Variants in FHL2 observed in about 807,000 individuals in gnomAD.
FHL2 encodes four and a half LIM domains 2.
In FHL2, 20 loss-of-function variants were observed where a neutral mutation model predicts 32.7. That is an observed-to-expected ratio of 0.61 (90% CI 0.43 to 0.89). FHL2 has a LOEUF of 0.89. Ranked by LOEUF, FHL2 falls within the 40% of genes least tolerant of loss-of-function variation. FHL2 has a pLI of 0.00. For missense variants in FHL2, 311 were observed against 358.6 expected (o/e 0.87, Z 1.07); for synonymous variants, 123 against 128.1 (o/e 0.96, Z 0.27).
intron 6 of FHL2, among the ~76,000 whole-genome samples, chr2:105,362,105 T>G (rs1029411933): frequency 6.6e-6 from 1 of 152,240 alleles, no homozygotes; most frequent in Non-Finnish European, 1.5e-5. Context: ...TTTATATAGA[T>G]TGTATCACTT....
Position 105,377,729 on chromosome 2 carries a change from C to T in FHL2, c.157-3996G>A, listed in dbSNP as rs553911969. The T allele has an allele frequency of 1.3e-3, 337 of 254,464 alleles. 3 individuals are homozygous for T. Among genetic ancestry groups the T allele is most frequent in the African/African-American group, 7.0e-3 (311 of 44,582 alleles). 15.8% of individuals were successfully genotyped at this position (254,464 alleles called of 1,614,324 possible). Reference sequence around the variant, plus strand: ...GTCCCCCTGTGCAGGCGAGCCACCTCATAGAGGACTGCTCGTTTGGGGAAA... The same window carrying T: ...GTCCCCCTGTGCAGGCGAGCCACCTTATAGAGGACTGCTCGTTTGGGGAAA... On this transcript the variant is annotated intron_variant, in intron 3 of 6. Coordinates refer to ENST00000530340, the MANE Select transcript of FHL2 (RefSeq NM_001318895.3).
chr2:105,379,295 TA>T (rs1443418222), intron 3 of FHL2, among the ~76,000 whole-genome samples: 1 of 152,176 alleles, frequency 6.6e-6, no homozygotes, highest in Non-Finnish European at 1.5e-5. Flanking sequence ...TATAAGTCAT[TA>T]TTTAGACCAC....
rs1680252097 is a variant in FHL2 at position 105,361,416 on chromosome 2, T to C, written c.707A>G (p.Tyr236Cys). The C allele has an allele frequency of 5.0e-6, 8 of 1,614,058 alleles. No homozygotes were observed. The East Asian group carries it at 1.8e-4, about 36-fold the overall frequency. Residue 236 changes from tyrosine to cysteine, a missense_variant, in exon 7 of 7, where the codon TAC becomes TGC. Transcript: ENST00000530340. ...CCACTGCCGTTCCTCAAAGGAGATG[T>C]ATTTTGTGCCACCAAGTCCTGTTAA... ...NPISGLGGTK[Y>C]ISFEERQWHN...
At chr2:105,391,520 G>A (rs1682733536) in intron 2 of FHL2, among the ~76,000 whole-genome samples, 1 of 152,156 alleles carries the variant, frequency 6.6e-6, no homozygotes, top group Non-Finnish European at 1.5e-5. Flanking sequence ...AGCCCAGGAA[G>A]ATGGAAGACC....
intron 3 of FHL2, chr2:105,375,119 T>A (rs569185784): frequency 4.1e-4 from 62 of 149,610 alleles, no homozygotes; most frequent in African/African-American, 1.5e-3. Context: ...CAAACAGTTC[T>A]CTTTTGCTGA....
At chr2:105,391,867 C>T (rs575681273) in intron 2 of FHL2, among the ~76,000 whole-genome samples, 29 of 152,356 alleles carry the variant, frequency 1.9e-4, no homozygotes, top group Non-Finnish European at 2.8e-4. Context: ...ATGCTGAAAG[C>T]ATCAGGCAAC....
At chr2:105,426,024 C>A (rs1684255976) in intron 1 of FHL2, among the ~76,000 whole-genome samples, 1 of 152,128 alleles carries the variant, frequency 6.6e-6, no homozygotes, top group African/African-American at 2.4e-5. Flanking sequence ...ACTAGAAATA[C>A]CCACAGGTGT....
intron 1 of FHL2, among the ~76,000 whole-genome samples, chr2:105,407,990 C>G (rs1444811719): frequency 2.6e-5 from 4 of 152,316 alleles, no homozygotes; most frequent in Non-Finnish European, 5.9e-5. Context: ...AAATTTCTGT[C>G]TGCATAAATG....
chr2:105,438,263 C>A (rs1050809378), intron 1 of FHL2: 1 of 691,180 alleles, frequency 1.4e-6, no homozygotes, highest in Admixed American at 6.3e-5. Context: ...CAGCGAGCTC[C>A]CAGTGCCTGA....
intron 1 of FHL2, among the ~76,000 whole-genome samples, chr2:105,424,405 A>T (rs995588321): frequency 6.6e-6 from 1 of 152,260 alleles, no homozygotes; most frequent in African/African-American, 2.4e-5. Context: ...GTGGAGAAAT[A>T]GGAGCACTTT....
chr2:105,405,111 T>G (rs1193448135), intron 1 of FHL2, among the ~76,000 whole-genome samples: 1 of 152,238 alleles, frequency 6.6e-6, no homozygotes, highest in African/African-American at 2.4e-5. Context: ...AAAGTATTTG[T>G]AAGGTAGACT....
chr2:105,386,756 C>CTTTTTTT (rs11380471), intron 2 of FHL2, among the ~76,000 whole-genome samples: 7 of 48,956 alleles, frequency 1.4e-4, no homozygotes, highest in Non-Finnish European at 1.8e-4. Flanking sequence ...ATGCATTCCA[C>CTTTTTTT]TTTTTTTTTT....
At position 105,429,075 on chromosome 2, in the gene FHL2, G is replaced by A. The variant is rs1484654892; in HGVS notation, c.-25+9324C>T. Among the ~76,000 whole-genome samples the A allele has an allele frequency of 2.6e-5, 4 of 152,282 alleles. No individual in the cohort carries two copies. In the East Asian group the frequency reaches 5.8e-4, roughly 22 times the overall value. On this transcript the variant is annotated intron_variant, in intron 1 of 5. Coordinates refer to the FHL2 transcript ENST00000393352. ...ATACTGCAGAGGAGAAGGGCAGAAGGGGATGACCTGTCCTGTTTAATGTGG... is the reference window on the plus strand; with the variant it reads ...ATACTGCAGAGGAGAAGGGCAGAAGAGGATGACCTGTCCTGTTTAATGTGG...
chr2:105,400,651 T>G (rs1683428200), upstream of FHL2, among the ~76,000 whole-genome samples: 1 of 152,008 alleles, frequency 6.6e-6, no homozygotes, highest in Non-Finnish European at 1.5e-5. Context: ...ATTCTGCATT[T>G]ATCTTCTTTC....
At chr2:105,415,525 G>A (rs1683907945) in intron 1 of FHL2, among the ~76,000 whole-genome samples, 1 of 152,218 alleles carries the variant, frequency 6.6e-6, no homozygotes, top group Non-Finnish European at 1.5e-5. Flanking sequence ...AGCAAAGGTG[G>A]TTTAAATAAT....
intron 1 of FHL2, among the ~76,000 whole-genome samples, chr2:105,427,681 A>G (rs1264180721): frequency 6.6e-6 from 1 of 152,172 alleles, no homozygotes; most frequent in African/African-American, 2.4e-5. Flanking sequence ...GAAAGGAATG[A>G]GAGTGTTTGA....
chr2:105,399,430 G>C, upstream of FHL2: 1 of 1,536,214 alleles, frequency 6.5e-7, no homozygotes, highest in Admixed American at 2.0e-5. Flanking sequence ...GGGAGGCGGA[G>C]GGAGGAGGGG....
intron 1 of FHL2, among the ~76,000 whole-genome samples, chr2:105,424,088 G>A (rs1348433543): frequency 6.7e-6 from 1 of 149,682 alleles, no homozygotes; most frequent in African/African-American, 2.5e-5. Flanking sequence ...AGTTGAACAG[G>A]CAACCTACAG....
chr2:105,430,170 G>A (rs755386371), intron 1 of FHL2, among the ~76,000 whole-genome samples: 5 of 152,202 alleles, frequency 3.3e-5, no homozygotes, highest in Non-Finnish European at 7.3e-5. Context: ...CAAGAACACT[G>A]TGACCAGTGA....
Sources: gnomAD v4.1 joint callset for allele counts (sites outside exome capture counted in the v4.1 genomes callset) on GRCh38, gnomAD v4.1.1 for gene constraint, MANE v1.5 for transcripts, NCBI Gene and HGNC (gene_info 2026-07-23, HGNC 2026-07-21) for gene names.